KLF12: variants seen among roughly 807,000 people sequenced by gnomAD.
KLF12 encodes Krueppel-like factor 12.
KLF12 carries 9 observed loss-of-function variants against 37.8 expected under a neutral mutation model. The observed-to-expected ratio is 0.24, with a 90% CI of 0.14 to 0.42. The LOEUF (loss-of-function observed/expected upper bound fraction) is 0.42, where lower values mean the gene tolerates loss of function less well. Among genes scored for constraint, KLF12 ranks in the 10% least tolerant of loss-of-function variants. KLF12 has a pLI of 1.00. For missense variants in KLF12, 411 were observed against 516.0 expected (o/e 0.80, Z 1.97); for synonymous variants, 208 against 202.1 (o/e 1.03, Z -0.25).
intron 3 of KLF12, among the ~76,000 whole-genome samples, chr13:73,930,155 T>C (rs934236541): frequency 2.0e-5 from 3 of 152,226 alleles, no homozygotes; most frequent in Admixed American, 1.3e-4. Context: ...AGACATTGTT[T>C]AGGGAATAAT....
At chr13:73,796,611 G>A (rs940926710) in intron 5 of KLF12, among the ~76,000 whole-genome samples, 12 of 150,322 alleles carry the variant, frequency 8.0e-5, no homozygotes, top group African/African-American at 2.9e-4. Context: ...CTGGGTCCTT[G>A]ATATCTGTTC....
intron 1 of KLF12, among the ~76,000 whole-genome samples, chr13:74,056,267 C>T (rs1219395546): frequency 1.3e-5 from 2 of 152,178 alleles, no homozygotes; most frequent in Non-Finnish European, 2.9e-5. Flanking sequence ...TGGGTGTACA[C>T]AGCAGCCCAT....
chr13:74,091,831 A>G (rs1875681221), intron 1 of KLF12, among the ~76,000 whole-genome samples: 1 of 152,172 alleles, frequency 6.6e-6, no homozygotes, highest in Non-Finnish European at 1.5e-5. Flanking sequence ...GTGATAATAC[A>G]TCAATGTAGA....
the KLF12 span, among the ~76,000 whole-genome samples, chr13:74,170,821 G>A: frequency 2.6e-5 from 4 of 152,194 alleles, no homozygotes; most frequent in African/African-American, 9.7e-5. Context: ...CTGGAGTGCA[G>A]TGGGGCAATC....
At chr13:73,935,601 G>A (rs1159451603) in intron 3 of KLF12, among the ~76,000 whole-genome samples, 2 of 151,920 alleles carry the variant, frequency 1.3e-5, no homozygotes, top group African/African-American at 2.4e-5. Context: ...CATGATGCAC[G>A]AGCTCCCACT....
chr13:74,192,509 T>C, the KLF12 span, among the ~76,000 whole-genome samples: 1 of 152,198 alleles, frequency 6.6e-6, no homozygotes, highest in Non-Finnish European at 1.5e-5. Flanking sequence ...GTAATATGAT[T>C]TATGCATATT....
intron 5 of KLF12, among the ~76,000 whole-genome samples, chr13:73,782,076 T>C (rs1477515981): frequency 6.6e-6 from 1 of 152,182 alleles, no homozygotes; most frequent in Admixed American, 6.5e-5. Context: ...GCATAGAAAC[T>C]TCATGGAAGG....
At chr13:73,995,167 T>C (rs1886515) in intron 1 of KLF12, 114 bp from the exon 2 acceptor site, 37,293 of 674,052 alleles carry the variant, frequency 0.055, 1,497 homozygotes, top group African/African-American at 0.16. Flanking sequence ...CTCGTGATCA[T>C]AGAGCTGAGG....
chr13:73,740,451 C>T (rs558703409), intron 6 of KLF12, among the ~76,000 whole-genome samples: 1 of 152,296 alleles, frequency 6.6e-6, no homozygotes, highest in South Asian at 2.1e-4. Context: ...GGTAAACCTG[C>T]TTAAGCATTA....
At chr13:74,076,968 A>G (rs1874599050) in intron 1 of KLF12, among the ~76,000 whole-genome samples, 1 of 152,184 alleles carries the variant, frequency 6.6e-6, no homozygotes, top group Admixed American at 6.5e-5. Flanking sequence ...CCCACAAAAG[A>G]CATGATCTCA....
chr13:73,810,229 A>G (rs1882853711), intron 5 of KLF12, among the ~76,000 whole-genome samples: 1 of 152,040 alleles, frequency 6.6e-6, no homozygotes, highest in African/African-American at 2.4e-5. Flanking sequence ...TGGGTGACAG[A>G]GCGAGACGCC....
chr13:73,693,338 C>A lies in KLF12; in HGVS notation c.*2152G>T, dbSNP rs967372742. On this transcript the variant is annotated 3_prime_UTR_variant, in exon 8 of 8. Coordinates refer to ENST00000377669, the MANE Select transcript of KLF12 (RefSeq NM_007249.5). Reference sequence around the variant, plus strand: ...AAAACTTTCCAGGTGCTAAAAAAAACCCACTGGTTGATGAGTAGTAGACTG... The same window carrying A: ...AAAACTTTCCAGGTGCTAAAAAAAAACCACTGGTTGATGAGTAGTAGACTG... 35 of 152,076 alleles carry A rather than the reference C, an allele frequency of 2.3e-4. No individual in the cohort carries two copies. The highest frequency in any genetic ancestry group is 7.2e-4 in the African/African-American group (30 of 41,408). The allele number at this position is 152,076 out of a possible 1,614,324, so 9.4% of individuals were successfully genotyped here.
the KLF12 span, among the ~76,000 whole-genome samples, chr13:74,279,618 C>T: frequency 6.6e-6 from 1 of 151,500 alleles, no homozygotes; most frequent in Admixed American, 6.6e-5. Flanking sequence ...GCATGTTAAG[C>T]ACAGTAATGG....
At chr13:74,196,980 T>A in the KLF12 span, among the ~76,000 whole-genome samples, 1 of 152,148 alleles carries the variant, frequency 6.6e-6, no homozygotes, top group African/African-American at 2.4e-5. Flanking sequence ...TTACTCCCAA[T>A]AATTAATTTG....
At chr13:73,721,125 G>A (rs1300598217) in intron 6 of KLF12, among the ~76,000 whole-genome samples, 2 of 152,200 alleles carry the variant, frequency 1.3e-5, no homozygotes, top group Middle Eastern at 3.2e-3. Context: ...CTCTGAGATT[G>A]ACACTACTAT....
chr13:73,983,609 C>A (rs1244244045), intron 2 of KLF12, among the ~76,000 whole-genome samples: 2 of 152,208 alleles, frequency 1.3e-5, no homozygotes, highest in Non-Finnish European at 2.9e-5. Context: ...CTGGACAAGT[C>A]CCTGGTGTCC....
At chr13:74,038,098 G>A (rs1222495618) in intron 1 of KLF12, among the ~76,000 whole-genome samples, 3 of 152,184 alleles carry the variant, frequency 2.0e-5, no homozygotes, top group Admixed American at 2.0e-4. Context: ...TGCATGTAAA[G>A]TCAGTGATCC....
chr13:74,166,941 C>T, the KLF12 span, among the ~76,000 whole-genome samples: 1 of 152,172 alleles, frequency 6.6e-6, no homozygotes, highest in African/African-American at 2.4e-5. Flanking sequence ...TCTGTTCTCT[C>T]GCTGTCTTCA....
chr13:74,055,090 A>G (rs1873171667), intron 1 of KLF12, among the ~76,000 whole-genome samples: 1 of 152,234 alleles, frequency 6.6e-6, no homozygotes. Context: ...CAGAATATGC[A>G]ATTGTACAGC....
Sources: gnomAD v4.1 joint callset for allele counts (sites outside exome capture counted in the v4.1 genomes callset) on GRCh38, gnomAD v4.1.1 for gene constraint, MANE v1.5 for transcripts, NCBI Gene and HGNC (gene_info 2026-07-23, HGNC 2026-07-21) for gene names.